DSCAML1: variants seen among roughly 807,000 people sequenced by gnomAD.
The protein encoded by DSCAML1 is cell adhesion molecule DSCAML1.
In DSCAML1, 38 loss-of-function variants were observed where a neutral mutation model predicts 200.5. That is an observed-to-expected ratio of 0.19 (90% CI 0.15 to 0.25). The LOEUF is 0.25. Ranked by LOEUF, DSCAML1 falls within the 10% of genes least tolerant of loss-of-function variation. The pLI, the probability that DSCAML1 is intolerant of heterozygous loss-of-function variation, is 1.00. For missense variants in DSCAML1, 2,223 were observed against 2,858.8 expected (o/e 0.78, Z 5.07); for synonymous variants, 1,215 against 1,165.0 (o/e 1.04, Z -0.87).
chr11:117,610,843 C>CG (rs1254863726), intron 3 of DSCAML1, among the ~76,000 whole-genome samples: 2 of 134,696 alleles, frequency 1.5e-5, no homozygotes, highest in East Asian at 4.7e-4. Flanking sequence ...CAAAACAACC[C>CG]CCCCCCCCCA....
intron 3 of DSCAML1, among the ~76,000 whole-genome samples, chr11:117,671,393 C>T (rs532826642): frequency 3.3e-5 from 5 of 152,288 alleles, no homozygotes; most frequent in South Asian, 2.1e-4. Context: ...GTTTACATCT[C>T]GGGGCTTACC....
chr11:117,500,485 G>T (rs1410965193), intron 11 of DSCAML1, among the ~76,000 whole-genome samples: 8 of 152,172 alleles, frequency 5.3e-5, no homozygotes, highest in African/African-American at 1.9e-4. Flanking sequence ...TAAGTGCATG[G>T]TCTCCTTTAG....
At chr11:117,562,200 G>A (rs1006955688) in intron 3 of DSCAML1, among the ~76,000 whole-genome samples, 6 of 152,290 alleles carry the variant, frequency 3.9e-5, no homozygotes, top group Middle Eastern at 3.4e-3. Flanking sequence ...CTAAGATTCT[G>A]TCCTGCCATG....
intron 30 of DSCAML1, among the ~76,000 whole-genome samples, chr11:117,432,145 G>A (rs2047813525): frequency 1.3e-5 from 2 of 152,306 alleles, no homozygotes; most frequent in South Asian, 4.2e-4. Flanking sequence ...AACAGGCCCA[G>A]AGAGATAAAG....
At chr11:117,769,552 A>ATATATTT (rs71037497) in intron 3 of DSCAML1, among the ~76,000 whole-genome samples, 52,938 of 68,106 alleles carry the variant, frequency 0.78, 20,582 homozygotes, top group East Asian at 0.9. Flanking sequence ...TATATTTTAT[A>ATATATTT]TATATATTTT....
At chr11:117,653,856 A>G (rs2137626657) in intron 3 of DSCAML1, among the ~76,000 whole-genome samples, 1 of 152,278 alleles carries the variant, frequency 6.6e-6, no homozygotes, top group East Asian at 1.9e-4. Context: ...ATTTGGCCAT[A>G]AGAAGGAATA....
At chr11:117,760,923 C>T (rs1047980983) in intron 3 of DSCAML1, among the ~76,000 whole-genome samples, 5 of 152,130 alleles carry the variant, frequency 3.3e-5, no homozygotes, top group South Asian at 4.1e-4. Context: ...GAGACAGAGC[C>T]GGAAGTAGAA....
intron 4 of DSCAML1, among the ~76,000 whole-genome samples, chr11:117,530,046 C>T (rs2050044878): frequency 6.6e-6 from 1 of 152,186 alleles, no homozygotes; most frequent in Non-Finnish European, 1.5e-5. Context: ...TCTGCCTTTC[C>T]TGTGCCCCAT....
intron 3 of DSCAML1, among the ~76,000 whole-genome samples, chr11:117,698,641 G>A (rs370668037): frequency 8.6e-5 from 13 of 151,972 alleles, no homozygotes; most frequent in Admixed American, 5.2e-4. Flanking sequence ...GCATCTCATC[G>A]TGATTTTAAT....
intron 3 of DSCAML1, among the ~76,000 whole-genome samples, chr11:117,676,495 C>T (rs1371416966): frequency 6.6e-6 from 1 of 152,216 alleles, no homozygotes; most frequent in Non-Finnish European, 1.5e-5. Context: ...AGGTCCCAAA[C>T]CTGCCTCTCC....
intron 18 of DSCAML1, 73 bp downstream of exon 18, chr11:117,461,377 C>T (rs945381347): frequency 1.9e-6 from 3 of 1,599,254 alleles, no homozygotes; most frequent in East Asian, 4.5e-5. Context: ...TCAGCTCTAA[C>T]TACGCCTGGA....
intron 3 of DSCAML1, among the ~76,000 whole-genome samples, chr11:117,649,041 A>ATATATG (rs768621807): frequency 0.054 from 7,402 of 137,810 alleles, 331 homozygotes; most frequent in Non-Finnish European, 0.071. Context: ...CTCCATATAT[A>ATATATG]TGTGTGTGTG....
intron 5 of DSCAML1, among the ~76,000 whole-genome samples, chr11:117,524,132 C>T (rs1402467925): frequency 2.6e-5 from 4 of 152,222 alleles, no homozygotes; most frequent in African/African-American, 9.6e-5. Context: ...ACCCTCTCTG[C>T]CTGCCTTGGG....
intron 3 of DSCAML1, among the ~76,000 whole-genome samples, chr11:117,632,160 G>T (rs1365642818): frequency 6.6e-6 from 1 of 152,224 alleles, no homozygotes; most frequent in African/African-American, 2.4e-5. Flanking sequence ...CGGACTATTA[G>T]AGTTAGGAGA....
At chr11:117,658,473 A>G (rs1160493403) in intron 3 of DSCAML1, among the ~76,000 whole-genome samples, 2 of 152,236 alleles carry the variant, frequency 1.3e-5, no homozygotes, top group Non-Finnish European at 2.9e-5. Context: ...TTACCAGCAG[A>G]GCAAGAACTA....
Position 117,428,079 on chromosome 11 carries a change from AT to A in DSCAML1, c.*248del. 1 of 421,806 alleles carries A rather than the reference AT, an allele frequency of 2.4e-6. No homozygotes were observed. Among genetic ancestry groups the A allele is most frequent in the South Asian group, 3.0e-5 (1 of 33,862 alleles). The allele number at this position is 421,806 out of a possible 1,614,324, so 26.1% of individuals were successfully genotyped here. ...TATATGTATATATATCTCCACACAT[AT>A]TTTGTGGGGTGGGGGATTTGACTTG... On this transcript the variant is annotated 3_prime_UTR_variant, in exon 33 of 33. Coordinates refer to ENST00000651296, the MANE Select transcript of DSCAML1 (RefSeq NM_020693.4).
chr11:117,505,090 T>C lies in DSCAML1; in HGVS notation c.2063-47A>G. The C allele has an allele frequency of 6.3e-7, 1 of 1,591,060 alleles. No individual in the cohort carries two copies. The highest frequency in any genetic ancestry group is 8.6e-7 in the Non-Finnish European group (1 of 1,164,714). On this transcript the variant is annotated intron_variant, in intron 9 of 32. Transcript: ENST00000651296. The surrounding 1 kb of genome is among the most constrained non-coding windows in gnomAD (Gnocchi z 6.7). ...GGAAACAGACCATTTTAGTCTCTGA[T>C]GGGTCTCCTAGGGCTTCGAGCACCT...
intron 32 of DSCAML1, among the ~76,000 whole-genome samples, chr11:117,430,400 G>A (rs1301799482): frequency 2.0e-5 from 3 of 152,234 alleles, no homozygotes; most frequent in African/African-American, 7.2e-5. Context: ...CTTACAACAC[G>A]CTGGGGATGT....
intron 3 of DSCAML1, among the ~76,000 whole-genome samples, chr11:117,619,774 T>G (rs1385252967): frequency 6.6e-6 from 1 of 152,210 alleles, no homozygotes; most frequent in African/African-American, 2.4e-5. Context: ...CTTTCTATGC[T>G]TTCACACATT....
Sources: allele counts gnomAD v4.1 joint callset (sites outside exome capture counted in the v4.1 genomes callset), GRCh38; gene constraint gnomAD v4.1.1; non-coding constraint Gnocchi (gnomAD v3.1); transcripts MANE v1.5; gene names NCBI Gene and HGNC (gene_info 2026-07-23, HGNC 2026-07-21).